PSMD14: variants seen among roughly 807,000 people sequenced by gnomAD.
PSMD14 encodes ubiquitin C-terminal hydrolase PSMD14.
In PSMD14, 7 loss-of-function variants were observed where a neutral mutation model predicts 41.2. The ratio of observed to expected loss-of-function variants is 0.17; its 90% CI spans 0.10 to 0.32. PSMD14 has a LOEUF of 0.32. Among genes scored for constraint, PSMD14 ranks in the 10% least tolerant of loss-of-function variants. PSMD14 has a pLI of 1.00. For missense variants in PSMD14, 139 were observed against 375.6 expected, an observed-to-expected ratio of 0.37 and a Z score of 5.21; for synonymous variants, 114 against 122.3, an observed-to-expected ratio of 0.93 and a Z score of 0.45.
chr2:161,335,922 T>C (rs1682863044), intron 3 of PSMD14, among the ~76,000 whole-genome samples: 1 of 152,222 alleles, frequency 6.6e-6, no homozygotes, highest in Admixed American at 6.5e-5. Flanking sequence ...TATGTTATTA[T>C]TAGAAGTAAT....
rs1052551988 is a variant in PSMD14 at position 161,368,753 on chromosome 2, TGTTA to T, written c.240+854_240+857del. Reference sequence around the variant, plus strand: ...ATTAAAGAAATTGTTGTTATAAAGCTGTTAGTTCTATTCGAAGTTCTGTAAGTTT... The same window carrying T: ...ATTAAAGAAATTGTTGTTATAAAGCTGTTCTATTCGAAGTTCTGTAAGTTT... On this transcript the variant is annotated intron_variant, in intron 5 of 11. Transcript: ENST00000409682. Among the ~76,000 whole-genome samples, 18 of 152,194 alleles carry T rather than the reference TGTTA, an allele frequency of 1.2e-4. 1 individual carries two copies. The highest frequency in any genetic ancestry group is 2.1e-4 in the South Asian group (1 of 4,826).
intron 3 of PSMD14, among the ~76,000 whole-genome samples, chr2:161,323,379 A>G (rs1444444170): frequency 6.6e-6 from 1 of 152,086 alleles, no homozygotes; most frequent in Non-Finnish European, 1.5e-5. Context: ...AAATGTTAAT[A>G]TTGGCCAGGC....
At chr2:161,367,444 T>C in intron 3 of PSMD14, 34 bp from the exon 4 acceptor site, 1 of 1,506,762 alleles carries the variant, frequency 6.6e-7, no homozygotes, top group South Asian at 1.2e-5. Flanking sequence ...AACTCTGTGT[T>C]TGTTTTAATA....
chr2:161,395,283 A>G, intron 10 of PSMD14, 80 bp downstream of exon 10: 1 of 1,226,980 alleles, frequency 8.2e-7, no homozygotes, highest in African/African-American at 1.6e-5. Flanking sequence ...GTAAGTAATT[A>G]AAAATAGAGA....
chr2:161,392,935 CT>C (rs200560459), intron 9 of PSMD14, among the ~76,000 whole-genome samples: 2 of 152,008 alleles, frequency 1.3e-5, no homozygotes, highest in Admixed American at 6.5e-5. Context: ...ATTTTTCTTT[CT>C]TTTTTTTTGG....
chr2:161,318,876 T>C lies in PSMD14; in HGVS notation c.48+3T>C, dbSNP rs1689173135. 1 of 1,610,212 alleles carries C rather than the reference T, an allele frequency of 6.2e-7. No individual in the cohort carries two copies. Among genetic ancestry groups the C allele is most frequent in the African/African-American group, 1.3e-5 (1 of 74,826 alleles). On this transcript the variant is annotated splice_donor_region_variant and intron_variant, in intron 3 of 11. Transcript: ENST00000409682. ...GAGGTATGCCTGGACTGGGCCAGGT[T>C]AGTATATAGTCTCTTGAGCATTTCC...
At chr2:161,329,395 A>G (rs963890036) in intron 3 of PSMD14, among the ~76,000 whole-genome samples, 3 of 152,132 alleles carry the variant, frequency 2.0e-5, no homozygotes, top group African/African-American at 7.2e-5. Context: ...TAGTATGCAA[A>G]TGAGCAGACC....
chr2:161,350,883 A>G (rs1683109359), intron 3 of PSMD14, among the ~76,000 whole-genome samples: 1 of 152,138 alleles, frequency 6.6e-6, no homozygotes, highest in East Asian at 1.9e-4. Context: ...CATTTCCCCC[A>G]AGTGTAATTA....
intron 1 of PSMD14, chr2:161,308,907 T>C (rs1409087407): frequency 6.6e-6 from 1 of 152,186 alleles, no homozygotes; most frequent in Non-Finnish European, 1.5e-5. Context: ...GCTCTATCCA[T>C]AGTTGTTAAC....
chr2:161,357,543 A>G (rs776476315), intron 3 of PSMD14, among the ~76,000 whole-genome samples: 20 of 152,214 alleles, frequency 1.3e-4, no homozygotes, highest in Non-Finnish European at 2.4e-4. Flanking sequence ...GGATTTATAT[A>G]GCAAAAGTAA....
intron 1 of PSMD14, among the ~76,000 whole-genome samples, chr2:161,312,378 A>G (rs1240591952): frequency 6.6e-6 from 1 of 152,122 alleles, no homozygotes; most frequent in Non-Finnish European, 1.5e-5. Flanking sequence ...CCCTGACCTC[A>G]AGTGATCTGC....
At chr2:161,336,230 GTGC>G (rs1682867425) in intron 3 of PSMD14, among the ~76,000 whole-genome samples, 1 of 152,062 alleles carries the variant, frequency 6.6e-6, no homozygotes, top group South Asian at 2.1e-4. Context: ...TACTTTTCAT[GTGC>G]TAATTTATAA....
At chr2:161,309,824 T>G (rs1017434823) in intron 1 of PSMD14, among the ~76,000 whole-genome samples, 2 of 152,148 alleles carry the variant, frequency 1.3e-5, no homozygotes, top group African/African-American at 4.8e-5. Flanking sequence ...TTTTTTGTTT[T>G]TTTTTCAGCC....
intron 5 of PSMD14, among the ~76,000 whole-genome samples, chr2:161,369,409 G>A (rs879941683): frequency 7.2e-5 from 11 of 151,868 alleles, no homozygotes; most frequent in African/African-American, 1.7e-4. Flanking sequence ...GAAAAAAACC[G>A]AAAACATTCT....
intron 3 of PSMD14, chr2:161,340,897 T>G (rs1458527517): frequency 1.9e-6 from 3 of 1,613,900 alleles, no homozygotes; most frequent in Non-Finnish European, 1.7e-6. Flanking sequence ...TTCCCGGGGC[T>G]GTATTTGAAG....
intron 3 of PSMD14, among the ~76,000 whole-genome samples, chr2:161,351,103 A>C (rs1205380460): frequency 1.3e-5 from 2 of 152,228 alleles, no homozygotes; most frequent in Non-Finnish European, 2.9e-5. Flanking sequence ...ATGAGGCCTC[A>C]GTCATTTTCA....
chr2:161,319,444 G>T (rs1689180161), intron 3 of PSMD14, among the ~76,000 whole-genome samples: 1 of 151,972 alleles, frequency 6.6e-6, no homozygotes, highest in African/African-American at 2.4e-5. Context: ...TCCATTTGCT[G>T]TTGGGCAAAT....
chr2:161,373,823 A>G (rs947959703), intron 7 of PSMD14, among the ~76,000 whole-genome samples: 4 of 151,884 alleles, frequency 2.6e-5, no homozygotes, highest in African/African-American at 9.7e-5. Flanking sequence ...GGTAATCTCA[A>G]TTCATTCACA....
At chr2:161,355,854 A>T (rs1298802398) in intron 3 of PSMD14, among the ~76,000 whole-genome samples, 3 of 152,138 alleles carry the variant, frequency 2.0e-5, no homozygotes, top group African/African-American at 7.2e-5. Flanking sequence ...GTAAATGGAA[A>T]CCCTATGTGA....
Sources: allele counts gnomAD v4.1 joint callset (sites outside exome capture counted in the v4.1 genomes callset), GRCh38; gene constraint gnomAD v4.1.1; transcripts MANE v1.5; gene names NCBI Gene and HGNC (gene_info 2026-07-23, HGNC 2026-07-21).